PTN: variants seen among roughly 807,000 people sequenced by gnomAD.
PTN encodes the protein heparin affin regulatory protein.
Under a neutral mutation model 24.1 loss-of-function variants are expected in PTN, and 18 were observed. The ratio of observed to expected loss-of-function variants is 0.75; its 90% confidence interval spans 0.52 to 1.11. PTN has a LOEUF of 1.11. Among genes scored for constraint, PTN ranks in the 50% least tolerant of loss-of-function variants. The pLI, the probability that PTN is intolerant of heterozygous loss-of-function variation, is 0.00. For synonymous variants in PTN, 78 were observed against 68.6 expected, an observed-to-expected ratio of 1.14 and a Z score of -0.67; for missense variants, 163 against 198.8, an observed-to-expected ratio of 0.82 and a Z score of 1.08.
chr7:137,302,772 T>G (rs1054312771), intron 1 of PTN, among the ~76,000 whole-genome samples: 1 of 151,974 alleles, frequency 6.6e-6, no homozygotes, highest in Non-Finnish European at 1.5e-5. Context: ...CATTTTCTTC[T>G]GTAGGGAGGT....
chr7:137,272,931 T>C (rs1318117569), intron 1 of PTN, among the ~76,000 whole-genome samples: 3 of 152,246 alleles, frequency 2.0e-5, no homozygotes, highest in Non-Finnish European at 4.4e-5. Context: ...CTTGAGGTCC[T>C]ATTAGAATAA....
At chr7:137,329,308 C>A (rs1045699612) in intron 1 of PTN, among the ~76,000 whole-genome samples, 1 of 152,160 alleles carries the variant, frequency 6.6e-6, no homozygotes, top group African/African-American at 2.4e-5. Context: ...GAAAGCAAGG[C>A]CTTCAGCTTC....
Position 137,280,393 on chromosome 7 carries a change from T to G in PTN, c.-1-25419A>C, listed in dbSNP as rs1585027341. On this transcript the variant is annotated intron_variant, in intron 1 of 4. Coordinates refer to ENST00000348225, the MANE Select transcript of PTN (RefSeq NM_002825.7). ...CATTGTCAAAATATATTTGAGTAAG[T>G]AGGAGGATTTAGTATTGCCCAAGGA... Among the ~76,000 whole-genome samples, 4 of 151,856 alleles carry G rather than the reference T, an allele frequency of 2.6e-5. No individual in the cohort carries two copies. The East Asian group carries it at 7.8e-4, about 30-fold the overall frequency.
At chr7:137,265,984 A>G (rs529216489) in intron 1 of PTN, among the ~76,000 whole-genome samples, 43 of 152,348 alleles carry the variant, frequency 2.8e-4, no homozygotes, top group Non-Finnish European at 5.3e-4. Flanking sequence ...ACACTAGATA[A>G]GCTAAATTTT....
At chr7:137,323,602 A>T (rs56701854) in intron 1 of PTN, among the ~76,000 whole-genome samples, 18,948 of 152,192 alleles carry the variant, frequency 0.12, 3,743 homozygotes, top group African/African-American at 0.42. Flanking sequence ...TCTTAATGTC[A>T]TTCCCTGTGA....
chr7:137,255,079 T>C (rs973258302), intron 1 of PTN, 105 bp from the exon 2 acceptor site: 1 of 710,440 alleles, frequency 1.4e-6, no homozygotes, highest in African/African-American at 1.8e-5. Context: ...TTCTGGAATG[T>C]TAGATTTCAG....
chr7:137,302,941 T>C (rs778668622), intron 1 of PTN, among the ~76,000 whole-genome samples: 7 of 150,498 alleles, frequency 4.7e-5, no homozygotes, highest in Non-Finnish European at 7.4e-5. Flanking sequence ...ATTGCTTGTA[T>C]GGTCTCAAAA....
At chr7:137,248,379 A>T (rs1217662945) in intron 4 of PTN, among the ~76,000 whole-genome samples, 1 of 152,050 alleles carries the variant, frequency 6.6e-6, no homozygotes, top group East Asian at 1.9e-4. Flanking sequence ...CCCTGGTTCA[A>T]CTCCTAAAAT....
chr7:137,338,376 G>A (rs942707132), intron 1 of PTN, among the ~76,000 whole-genome samples: 7 of 152,152 alleles, frequency 4.6e-5, no homozygotes, highest in East Asian at 3.8e-4. Context: ...TTTCTGCTAC[G>A]TTATGTGGCA....
At position 137,237,947 on chromosome 7, in the gene PTN, A is replaced by C. The variant is rs577339431; in HGVS notation, c.452-9872T>G. Among the ~76,000 whole-genome samples the C allele has an allele frequency of 2.6e-5, 4 of 152,304 alleles. No individual in the cohort carries two copies. In the South Asian group the frequency reaches 8.3e-4, roughly 32 times the overall value. ...CAAGAGAAAGGATCATGAATGTGTTAACCTGCCATCAATATCTGTGGGCCT... is the reference window on the plus strand; with the variant it reads ...CAAGAGAAAGGATCATGAATGTGTTCACCTGCCATCAATATCTGTGGGCCT... On this transcript the variant is annotated intron_variant, in intron 4 of 4. Coordinates refer to ENST00000348225, the MANE Select transcript of PTN (RefSeq NM_002825.7).
chr7:137,255,204 T>C lies in PTN; in HGVS notation c.-1-230A>G, dbSNP rs1352152769. 2.0e-5 allele frequency among the ~76,000 whole-genome samples: 3 copies of C among 152,314 alleles called. No individual in the cohort carries two copies. The East Asian group carries it at 5.8e-4, about 29-fold the overall frequency. On this transcript the variant is annotated intron_variant, in intron 1 of 4. Transcript: ENST00000348225. ...TTCACTGACAAAACGCAACAGTTCT[T>C]CACTTAAGACTTCACAACCATTTGC...
intron 1 of PTN, among the ~76,000 whole-genome samples, chr7:137,264,008 A>G (rs942192590): frequency 6.6e-6 from 1 of 152,244 alleles, no homozygotes; most frequent in Non-Finnish European, 1.5e-5. Flanking sequence ...GTCATCCTAC[A>G]GAATGAGTGA....
At chr7:137,287,848 C>G (rs974716777) in intron 1 of PTN, 1 of 151,966 alleles carries the variant, frequency 6.6e-6, no homozygotes, top group African/African-American at 2.4e-5. Flanking sequence ...CCAGGGGGGG[C>G]GCTATTAGAT....
intron 1 of PTN, among the ~76,000 whole-genome samples, chr7:137,266,695 T>G (rs1431970245): frequency 6.6e-6 from 1 of 151,548 alleles, no homozygotes; most frequent in Non-Finnish European, 1.5e-5. Context: ...TCTTTATGTC[T>G]GTGGACTAGA....
At chr7:137,323,928 A>G (rs1361602702) in intron 1 of PTN, among the ~76,000 whole-genome samples, 1 of 152,182 alleles carries the variant, frequency 6.6e-6, no homozygotes, top group Non-Finnish European at 1.5e-5. Context: ...ACAGATCGTA[A>G]TCTAGGAAAA....
intron 1 of PTN, among the ~76,000 whole-genome samples, chr7:137,291,943 G>A (rs565929355): frequency 2.2e-4 from 34 of 152,220 alleles, no homozygotes; most frequent in African/African-American, 8.2e-4. Flanking sequence ...CACCTTTATT[G>A]GAATTAGATC....
intron 4 of PTN, among the ~76,000 whole-genome samples, chr7:137,246,477 A>G (rs981406833): frequency 2.0e-5 from 3 of 152,176 alleles, no homozygotes; most frequent in Non-Finnish European, 2.9e-5. Context: ...AATTAAACTC[A>G]TATTTTGAAA....
intron 1 of PTN, among the ~76,000 whole-genome samples, chr7:137,339,616 A>C (rs189100380): frequency 1.6e-4 from 24 of 151,604 alleles, no homozygotes; most frequent in African/African-American, 4.8e-4. Context: ...ATCAGTAGAG[A>C]GGGCACTGGT....
chr7:137,319,496 T>A (rs1810128120), intron 1 of PTN, among the ~76,000 whole-genome samples: 1 of 152,152 alleles, frequency 6.6e-6, no homozygotes, highest in Non-Finnish European at 1.5e-5. Context: ...AAAGCGAACA[T>A]CTCTTTGTCA....
Sources: allele counts gnomAD v4.1 joint callset (sites outside exome capture counted in the v4.1 genomes callset), GRCh38; gene constraint gnomAD v4.1.1; transcripts MANE v1.5; gene names NCBI Gene and HGNC (gene_info 2026-07-23, HGNC 2026-07-21).